ENTREP2: variants seen among roughly 807,000 people sequenced by gnomAD.
ENTREP2 encodes endosomal transmembrane epsin interactor 2.
chr15:29,234,466 C>T, the ENTREP2 span: 5 of 1,477,148 alleles, frequency 3.4e-6, no homozygotes, highest in African/African-American at 6.9e-5. Flanking sequence ...CTCTTGTGCC[C>T]AGCATTCGCC....
At chr15:29,269,594 C>T in the ENTREP2 span, 4 of 1,552,784 alleles carry the variant, frequency 2.6e-6, no homozygotes, top group South Asian at 1.2e-5. Flanking sequence ...TCTCTGAGAA[C>T]CCGGGCGTCT....
At chr15:29,415,369 T>C in the ENTREP2 span, among the ~76,000 whole-genome samples, 1 of 152,112 alleles carries the variant, frequency 6.6e-6, no homozygotes, top group Non-Finnish European at 1.5e-5. Context: ...ATAAACGTAA[T>C]CCAGCATATA....
the ENTREP2 span, among the ~76,000 whole-genome samples, chr15:29,640,810 C>A: frequency 6.6e-6 from 1 of 152,204 alleles, no homozygotes; most frequent in Admixed American, 6.5e-5. Flanking sequence ...CAGAAGCCAA[C>A]ACTTTCCAAC....
At chr15:29,532,471 A>C in the ENTREP2 span, among the ~76,000 whole-genome samples, 2 of 152,220 alleles carry the variant, frequency 1.3e-5, no homozygotes, top group South Asian at 2.1e-4. Flanking sequence ...TGGCAGACAC[A>C]AAACTGGTGC....
At chr15:29,307,253 G>A in the ENTREP2 span, among the ~76,000 whole-genome samples, 8 of 151,584 alleles carry the variant, frequency 5.3e-5, no homozygotes, top group East Asian at 1.4e-3. Flanking sequence ...GAACAGCCAT[G>A]TTTTAAAAGC....
chr15:29,391,094 GC>G, the ENTREP2 span, among the ~76,000 whole-genome samples: 1 of 152,146 alleles, frequency 6.6e-6, no homozygotes, highest in Admixed American at 6.5e-5. Context: ...AATTCTCCTT[GC>G]TTTGGGTGTG....
the ENTREP2 span, among the ~76,000 whole-genome samples, chr15:29,597,308 C>T: frequency 1.3e-5 from 2 of 152,206 alleles, no homozygotes; most frequent in Middle Eastern, 6.8e-3. Context: ...GTGGCTCATG[C>T]CTGTAATCCC....
the ENTREP2 span, among the ~76,000 whole-genome samples, chr15:29,281,682 T>C: frequency 1.3e-5 from 2 of 152,224 alleles, no homozygotes; most frequent in South Asian, 2.1e-4. Flanking sequence ...GACTTGCCAT[T>C]TGACGTAATA....
the ENTREP2 span, among the ~76,000 whole-genome samples, chr15:29,550,751 T>C: frequency 6.6e-6 from 1 of 152,248 alleles, no homozygotes; most frequent in Non-Finnish European, 1.5e-5. Flanking sequence ...CAATGTTTCC[T>C]TGTGTCATTT....
the ENTREP2 span, among the ~76,000 whole-genome samples, chr15:29,295,736 A>G: frequency 1.3e-5 from 2 of 152,184 alleles, no homozygotes; most frequent in Non-Finnish European, 2.9e-5. Flanking sequence ...CCTGGCTACT[A>G]AGTGACGGCC....
chr15:29,273,095 C>A, the ENTREP2 span, among the ~76,000 whole-genome samples: 1 of 152,020 alleles, frequency 6.6e-6, no homozygotes, highest in Non-Finnish European at 1.5e-5. Context: ...TATTCGGGGT[C>A]CCCTTGGCCA....
the ENTREP2 span, among the ~76,000 whole-genome samples, chr15:29,317,334 T>C: frequency 1.3e-5 from 2 of 152,194 alleles, no homozygotes; most frequent in African/African-American, 4.8e-5. Flanking sequence ...TACTGTTTCA[T>C]AAAAAACACA....
chr15:29,605,526 A>G, the ENTREP2 span, among the ~76,000 whole-genome samples: 1 of 152,202 alleles, frequency 6.6e-6, no homozygotes, highest in Non-Finnish European at 1.5e-5. Flanking sequence ...TTTAAAAGTC[A>G]TTTTATTTTA....
the ENTREP2 span, among the ~76,000 whole-genome samples, chr15:29,437,070 C>A: frequency 6.6e-6 from 1 of 152,226 alleles, no homozygotes; most frequent in East Asian, 1.9e-4. Flanking sequence ...CATTCCACTT[C>A]ATTAGTTATC....
At chr15:29,604,732 A>G in the ENTREP2 span, among the ~76,000 whole-genome samples, 4 of 152,206 alleles carry the variant, frequency 2.6e-5, no homozygotes, top group African/African-American at 7.2e-5. Context: ...TTTCCCTAGG[A>G]AAAAAAGAAA....
At chr15:29,458,584 G>A in the ENTREP2 span, among the ~76,000 whole-genome samples, 5 of 152,140 alleles carry the variant, frequency 3.3e-5, no homozygotes, top group South Asian at 2.1e-4. Flanking sequence ...TGGACTTGGA[G>A]GTGACCCAGG....
the ENTREP2 span, among the ~76,000 whole-genome samples, chr15:29,520,259 A>T: frequency 6.6e-6 from 1 of 152,230 alleles, no homozygotes; most frequent in Non-Finnish European, 1.5e-5. Flanking sequence ...TTCTAGCTTC[A>T]TCTGAAGTGT....
At chr15:29,367,398 A>C in the ENTREP2 span, among the ~76,000 whole-genome samples, 1 of 152,194 alleles carries the variant, frequency 6.6e-6, no homozygotes. Context: ...CCCTGAGCTC[A>C]CCCAGTGTGA....
chr15:29,274,576 A>G, the ENTREP2 span, among the ~76,000 whole-genome samples: 1 of 152,194 alleles, frequency 6.6e-6, no homozygotes, highest in Admixed American at 6.5e-5. Context: ...TAAGTGAGAT[A>G]GGTTTACCCA....
Sources: gnomAD v4.1 joint callset for allele counts (sites outside exome capture counted in the v4.1 genomes callset) on GRCh38, gnomAD v4.1.1 for gene constraint, MANE v1.5 for transcripts, NCBI Gene and HGNC (gene_info 2026-07-23, HGNC 2026-07-21) for gene names.